Variants in CEP112 observed in about 807,000 individuals in gnomAD.
The protein encoded by CEP112 is centrosomal protein of 112 kDa.
In CEP112, 127 loss-of-function variants were observed where a neutral mutation model predicts 153.0. The ratio of observed to expected loss-of-function variants is 0.83; its 90% CI spans 0.72 to 0.96. CEP112 has a LOEUF of 0.96. Ranked by LOEUF, CEP112 falls within the 40% of genes least tolerant of loss-of-function variation. The pLI is 0.00. For synonymous variants in CEP112, 358 were observed against 374.4 expected, an observed-to-expected ratio of 0.96 and a Z score of 0.51; for missense variants, 1,089 against 1,101.2, an observed-to-expected ratio of 0.99 and a Z score of 0.16.
At chr17:65,820,040 A>G (rs1307047767) in intron 21 of CEP112, among the ~76,000 whole-genome samples, 1 of 152,134 alleles carries the variant, frequency 6.6e-6, no homozygotes, top group Non-Finnish European at 1.5e-5. Context: ...GGTGAAGGAC[A>G]TATGGCAATT....
chr17:65,861,842 G>A (rs1056641364), intron 20 of CEP112, among the ~76,000 whole-genome samples: 6 of 152,120 alleles, frequency 3.9e-5, no homozygotes, highest in East Asian at 3.8e-4. Flanking sequence ...GCACTACCTC[G>A]GAAAGTTGGA....
intron 4 of CEP112, among the ~76,000 whole-genome samples, chr17:66,153,765 T>C (rs528952989): frequency 1.3e-5 from 2 of 152,194 alleles, no homozygotes; most frequent in African/African-American, 4.8e-5. Flanking sequence ...ATTTTAAAGC[T>C]ACAGTATTAA....
intron 17 of CEP112, among the ~76,000 whole-genome samples, chr17:65,989,519 A>G (rs1472350992): frequency 6.6e-6 from 1 of 152,106 alleles, no homozygotes; most frequent in Non-Finnish European, 1.5e-5. Flanking sequence ...ATACAGCAAA[A>G]CTATCCTTCA....
At chr17:66,008,326 T>C (rs1279181155) in intron 16 of CEP112, among the ~76,000 whole-genome samples, 2 of 152,104 alleles carry the variant, frequency 1.3e-5, no homozygotes, top group African/African-American at 4.8e-5. Flanking sequence ...ATAATCACCA[T>C]ATTATATCTC....
At chr17:66,086,915 C>CT (rs1347599098) in intron 8 of CEP112, among the ~76,000 whole-genome samples, 5 of 151,956 alleles carry the variant, frequency 3.3e-5, no homozygotes, top group African/African-American at 1.2e-4. Flanking sequence ...ATAGATGAAA[C>CT]TAAGATAGTT....
At chr17:65,762,378 C>T (rs1340661617) in intron 21 of CEP112, among the ~76,000 whole-genome samples, 1 of 151,722 alleles carries the variant, frequency 6.6e-6, no homozygotes, top group African/African-American at 2.4e-5. Flanking sequence ...TTTTTTGATC[C>T]ACTCTGACAA....
At chr17:66,134,238 A>G (rs1390171704) in intron 4 of CEP112, among the ~76,000 whole-genome samples, 2 of 152,184 alleles carry the variant, frequency 1.3e-5, no homozygotes, top group Non-Finnish European at 2.9e-5. Flanking sequence ...TTATCTATTT[A>G]TTGCACAGGG....
intron 21 of CEP112, among the ~76,000 whole-genome samples, chr17:65,841,886 C>CTG (rs143757258): frequency 1.4e-5 from 2 of 139,542 alleles, no homozygotes; most frequent in East Asian, 2.0e-4. Context: ...CAGACCTAAA[C>CTG]TGTGTGTGTG....
intron 21 of CEP112, among the ~76,000 whole-genome samples, chr17:65,778,783 T>G (rs1000927042): frequency 1.3e-5 from 2 of 152,172 alleles, no homozygotes; most frequent in African/African-American, 4.8e-5. Context: ...TTATTTCTTC[T>G]AAGTGGAGAT....
At chr17:65,875,535 T>G (rs1464676885) in intron 20 of CEP112, among the ~76,000 whole-genome samples, 1 of 152,172 alleles carries the variant, frequency 6.6e-6, no homozygotes, top group Admixed American at 6.5e-5. Context: ...ATTGATTTTC[T>G]GCTATAAAAA....
At chr17:65,902,834 CGTT>C (rs2059925313) in intron 19 of CEP112, among the ~76,000 whole-genome samples, 1 of 152,074 alleles carries the variant, frequency 6.6e-6, no homozygotes, top group Non-Finnish European at 1.5e-5. Context: ...TCTATTATCT[CGTT>C]GTCAGCTACG....
intron 17 of CEP112, among the ~76,000 whole-genome samples, chr17:65,981,249 G>C (rs1320239479): frequency 6.6e-6 from 1 of 152,138 alleles, no homozygotes; most frequent in Non-Finnish European, 1.5e-5. Flanking sequence ...CTGTGTTCAG[G>C]ATATAACTTG....
intron 16 of CEP112, among the ~76,000 whole-genome samples, chr17:66,013,993 C>T (rs929553971): frequency 1.3e-5 from 2 of 152,218 alleles, no homozygotes; most frequent in Non-Finnish European, 2.9e-5. Flanking sequence ...AGTGCTTTCA[C>T]ACCAGAAATG....
chr17:66,132,633 C>A, intron 5 of CEP112, 37 bp downstream of exon 5: 1 of 1,436,380 alleles, frequency 7.0e-7, no homozygotes. Flanking sequence ...TTTAAAACAA[C>A]AAGCAAAAAC....
chr17:65,762,432 G>A (rs2052669566), intron 21 of CEP112, among the ~76,000 whole-genome samples: 1 of 152,008 alleles, frequency 6.6e-6, no homozygotes, highest in African/African-American at 2.4e-5. Flanking sequence ...GACATCCAAA[G>A]TGATTACTTG....
At chr17:66,172,256 C>T (rs2072276533) in intron 4 of CEP112, among the ~76,000 whole-genome samples, 1 of 152,142 alleles carries the variant, frequency 6.6e-6, no homozygotes, top group African/African-American at 2.4e-5. Context: ...ATGAAATTTA[C>T]AATCTAGCAC....
chr17:65,653,954 G>A (rs1210810345), intron 24 of CEP112, among the ~76,000 whole-genome samples: 1 of 150,914 alleles, frequency 6.6e-6, no homozygotes, highest in African/African-American at 2.4e-5. Context: ...AGCTGCTTGG[G>A]AGGCTGAGGC....
intron 17 of CEP112, among the ~76,000 whole-genome samples, chr17:65,972,319 A>T (rs1361521362): frequency 1.3e-5 from 2 of 152,232 alleles, no homozygotes; most frequent in Non-Finnish European, 2.9e-5. Context: ...AAAAAATAAA[A>T]TGAGAAATTA....
At chr17:65,814,114 T>C (rs1369665511) in intron 21 of CEP112, among the ~76,000 whole-genome samples, 3 of 152,140 alleles carry the variant, frequency 2.0e-5, no homozygotes, top group African/African-American at 7.2e-5. Context: ...AAAAAGACAG[T>C]ACCCATGTAA....
Sources: allele counts gnomAD v4.1 joint callset (sites outside exome capture counted in the v4.1 genomes callset), GRCh38; gene constraint gnomAD v4.1.1; transcripts MANE v1.5; gene names NCBI Gene and HGNC (gene_info 2026-07-23, HGNC 2026-07-21).